LARS1: variants seen among roughly 807,000 people sequenced by gnomAD.
LARS1 encodes the protein leucyl-tRNA synthetase 1, also known as leucine--tRNA ligase, cytoplasmic.
Under a neutral mutation model 162.8 loss-of-function variants are expected in LARS1, and 100 were observed. The ratio of observed to expected loss-of-function variants is 0.61; its 90% CI spans 0.52 to 0.73. The LOEUF (loss-of-function observed/expected upper bound fraction) is 0.73. Among genes scored for constraint, LARS1 ranks in the 30% least tolerant of loss-of-function variants. The probability of loss-of-function intolerance (pLI) is 0.00; values close to 1 mark genes in which losing one functional copy is unlikely to be tolerated. For missense variants in LARS1, 1,258 were observed against 1,408.9 expected, an observed-to-expected ratio of 0.89 and a Z score of 1.71; for synonymous variants, 457 against 462.8, an observed-to-expected ratio of 0.99 and a Z score of 0.16.
At chr5:146,125,552 T>A (rs1459160252) in intron 28 of LARS1, among the ~76,000 whole-genome samples, 1 of 152,094 alleles carries the variant, frequency 6.6e-6, no homozygotes, top group Middle Eastern at 3.4e-3. Context: ...GGTACACTAT[T>A]TTATTTACTC....
At position 146,128,801 on chromosome 5, in the gene LARS1, G is replaced by T. The variant is rs1335864075; in HGVS notation, c.2770-19C>A. ...CAGTCTTCTAGACGGTAAAAGAAAGGAAAAACATTCAATAGCTTTTATATA... is the reference window on the plus strand; with the variant it reads ...CAGTCTTCTAGACGGTAAAAGAAAGTAAAAACATTCAATAGCTTTTATATA... On this transcript the variant is annotated intron_variant, in intron 26 of 31. Transcript: ENST00000394434. 1.9e-6 allele frequency: 3 copies of T among 1,585,416 alleles called. No individual in the cohort carries two copies. The highest frequency in any genetic ancestry group is 2.6e-6 in the Non-Finnish European group (3 of 1,164,760).
intron 1 of LARS1, among the ~76,000 whole-genome samples, chr5:146,177,967 G>A (rs1451187016): frequency 2.0e-5 from 3 of 151,902 alleles, no homozygotes; most frequent in Admixed American, 6.6e-5. Flanking sequence ...GCGTGGTGGC[G>A]GGTACCTGTA....
At chr5:146,151,821 T>A in intron 14 of LARS1, 41 bp downstream of exon 14, 1 of 1,541,224 alleles carries the variant, frequency 6.5e-7, no homozygotes, top group Non-Finnish European at 8.9e-7. Flanking sequence ...TCACAGAGCA[T>A]GGAGTAAAGC....
rs1415152759 is a variant in LARS1 at position 146,153,898 on chromosome 5, T to C, written c.1148A>G (p.Asp383Gly). ...YVLPMLTIKE[D>G]KGTGVVTSVP... is the part of the protein sequence containing the mutation. ...GAAATAAATAAACTCTTTACCTTTATCCTCCTTAATAGTTAGCATTGGGAG... is the reference window on the plus strand; with the variant it reads ...GAAATAAATAAACTCTTTACCTTTACCCTCCTTAATAGTTAGCATTGGGAG... The change falls in exon 11 of 32, where the codon GAT (aspartate) becomes GGT (glycine). Residue 383 changes from aspartate to glycine, a missense_variant. Coordinates refer to ENST00000394434, the MANE Select transcript of LARS1 (RefSeq NM_020117.11). 6.2e-7 allele frequency: 1 copy of C among 1,610,912 alleles called. No individual in the cohort carries two copies. Among genetic ancestry groups the C allele is most frequent in the Admixed American group, 1.7e-5 (1 of 59,980 alleles).
intron 24 of LARS1, chr5:146,130,566 T>C (rs545896994): frequency 3.2e-5 from 6 of 186,230 alleles, no homozygotes; most frequent in Admixed American, 1.2e-4. Context: ...TAAAACTCAA[T>C]GTGATATTTT....
intron 25 of LARS1, among the ~76,000 whole-genome samples, chr5:146,129,732 A>C (rs1752197160): frequency 6.6e-6 from 1 of 152,052 alleles, no homozygotes; most frequent in South Asian, 2.1e-4. Flanking sequence ...ATATACACCT[A>C]TATCTTTGTT....
rs201352065 is a variant in LARS1, at chr5:146,122,598, G to A, written c.3097-11C>T. The A allele has an allele frequency of 6.3e-4, 942 of 1,506,440 alleles. 3 individuals are homozygous for A. Among genetic ancestry groups the A allele is most frequent in the Admixed American group, 1.2e-3 (66 of 57,366 alleles). 93.3% of individuals were successfully genotyped at this position (1,506,440 alleles called of 1,614,324 possible). A position where few individuals can be genotyped will look rare whatever the true frequency, so the allele number is the denominator to read the frequency against. On this transcript the variant is annotated splice_polypyrimidine_tract_variant and intron_variant, in intron 29 of 31. Transcript: ENST00000394434. Reference sequence around the variant, plus strand: ...TTCTATGTGTTCTAGCTAAACAGACGGGAAAAAATGGAAGTTATTAGTATC... The same window carrying A: ...TTCTATGTGTTCTAGCTAAACAGACAGGAAAAAATGGAAGTTATTAGTATC...
In LARS1 at chr5:146,130,148, T is replaced by C; in HGVS notation, c.2498A>G (p.Asp833Gly). ...TTCCACAGCCAATTCACGGTACTTA[T>C]CTTTTGCGGCCTATAAAATTTGAAA... ...TGFFEFQAAK[D>G]KYRELAVEGM... The change falls in exon 25 of 32, where the codon GAT (aspartate) becomes GGT (glycine). Residue 833 changes from aspartate to glycine, a missense_variant. By Grantham distance (94) the Asp-to-Gly change is moderately conservative. Transcript: ENST00000394434. 6.2e-7 allele frequency: 1 copy of C among 1,612,608 alleles called. No homozygotes were observed. The highest frequency in any genetic ancestry group is 8.5e-7 in the Non-Finnish European group (1 of 1,179,570).
chr5:146,116,836 A>G (rs1435983001), intron 31 of LARS1, among the ~76,000 whole-genome samples: 8 of 152,194 alleles, frequency 5.3e-5, no homozygotes, highest in Admixed American at 6.5e-5. Flanking sequence ...ATTACCCTCA[A>G]TACAACTGGC....
intron 20 of LARS1, among the ~76,000 whole-genome samples, chr5:146,141,209 G>GTAC (rs1752763724): frequency 2.0e-5 from 3 of 152,160 alleles, no homozygotes; most frequent in Admixed American, 6.5e-5. Context: ...TTGCATACTT[G>GTAC]TACTATCTTC....
chr5:146,173,982 A>G (rs1754392243), intron 2 of LARS1, among the ~76,000 whole-genome samples: 1 of 152,004 alleles, frequency 6.6e-6, no homozygotes, highest in South Asian at 2.1e-4. Context: ...GCATACACCT[A>G]TAGTTAATTC....
intron 1 of LARS1, among the ~76,000 whole-genome samples, chr5:146,180,757 C>G (rs145363127): frequency 6.6e-6 from 1 of 152,078 alleles, no homozygotes; most frequent in South Asian, 2.1e-4. Context: ...TAACCTTGAG[C>G]AAGTCATTTG....
rs375651608 is a variant in LARS1 at position 146,143,494 on chromosome 5, T to C, written c.1795A>G (p.Ile599Val). The C allele has an allele frequency of 6.2e-7, 1 of 1,613,954 alleles. No individual in the cohort carries two copies. Among genetic ancestry groups the C allele is most frequent in the Non-Finnish European group, 8.5e-7 (1 of 1,179,930 alleles). ...WLIESLSDST[I>V]YMAFYTVAHL... ...GCAACTGTGTAAAATGCCATGTAAA[T>C]AGTGGAGTCAGAAAGTGATTCAATC... Residue 599 changes from isoleucine to valine, a missense_variant, in exon 19 of 32, where the codon ATT (isoleucine) becomes GTT (valine). By Grantham distance (29) the Ile-to-Val change is conservative (BLOSUM62 3). Coordinates refer to ENST00000394434, the MANE Select transcript of LARS1 (RefSeq NM_020117.11).
intron 7 of LARS1, among the ~76,000 whole-genome samples, chr5:146,159,854 A>G (rs1359392815): frequency 6.6e-6 from 1 of 152,108 alleles, no homozygotes; most frequent in African/African-American, 2.4e-5. Flanking sequence ...TCAAGGAAGA[A>G]TCTTAATTTG....
intron 22 of LARS1, among the ~76,000 whole-genome samples, chr5:146,134,612 T>A (rs1752429175): frequency 6.6e-6 from 1 of 152,160 alleles, no homozygotes; most frequent in Non-Finnish European, 1.5e-5. Flanking sequence ...AAAAACAATT[T>A]TCTGAAAAAA....
chr5:146,164,523 G>C, intron 5 of LARS1, 52 bp from the exon 6 acceptor site: 1 of 1,541,710 alleles, frequency 6.5e-7, no homozygotes, highest in Non-Finnish European at 8.9e-7. Flanking sequence ...CAACACTCCA[G>C]GAAAATGACC....
intron 5 of LARS1, among the ~76,000 whole-genome samples, chr5:146,167,503 A>C (rs1416637627): frequency 6.6e-6 from 1 of 151,446 alleles, no homozygotes; most frequent in African/African-American, 2.4e-5. Context: ...TCCAGGGTTC[A>C]CGCCATTCTG....
rs2939521 is a variant in LARS1, at chr5:146,144,951, A to G, written c.1504-242T>C. ...ACTTTCTCTAGCTACTGATTATTTC[A>G]TTTCAGTGAAAATTAAAAAGTGAAC... is the stretch of plus-strand genomic sequence containing the variant. On this transcript the variant is annotated intron_variant, in intron 15 of 31. Transcript: ENST00000394434. Among the ~76,000 whole-genome samples, 147,322 of 152,210 alleles carry G rather than the reference A, an allele frequency of 0.97. 71,480 individuals are homozygous for G. The highest frequency in any genetic ancestry group is 1 in the East Asian group (5,182 of 5,182).
In LARS1 at chr5:146,168,147, T is replaced by A; in HGVS notation, c.413A>T (p.Asp138Val). 1 of 1,606,206 alleles carries A rather than the reference T, an allele frequency of 6.2e-7. No individual in the cohort carries two copies. Among genetic ancestry groups the A allele is most frequent in the Non-Finnish European group, 8.5e-7 (1 of 1,175,060 alleles). The change falls in exon 5 of 32, where the codon GAT (aspartate) becomes GTT (valine). Residue 138 changes from aspartate to valine, a missense_variant. By Grantham distance (152) the Asp-to-Val change is radical (BLOSUM62 -3). Coordinates refer to ENST00000394434, the MANE Select transcript of LARS1 (RefSeq NM_020117.11). ...SVKTEDIIIKDKAKGKKSKAA... is the reference protein window; with the variant it reads ...SVKTEDIIIKVKAKGKKSKAA... ...TCAAACCTTTTTTCCTTTAGCTTTA[T>A]CCTTAATTATTATATCTTCTGTTTT...
Sources: allele counts gnomAD v4.1 joint callset (sites outside exome capture counted in the v4.1 genomes callset), GRCh38; gene constraint gnomAD v4.1.1; transcripts MANE v1.5; gene names NCBI Gene and HGNC (gene_info 2026-07-23, HGNC 2026-07-21).